Variants in DAB2 observed in about 807,000 individuals in gnomAD.
DAB2 encodes the protein DAB adaptor protein 2.
DAB2 carries 28 observed loss-of-function variants against 71.6 expected under a neutral mutation model. The ratio of observed to expected loss-of-function variants is 0.39; its 90% CI spans 0.29 to 0.54. DAB2 has a LOEUF of 0.54. DAB2 is among the 20% of genes least tolerant of loss of function. The probability of loss-of-function intolerance (pLI) is 0.68; values close to 1 mark genes in which losing one functional copy is unlikely to be tolerated. For missense variants in DAB2, 867 were observed against 928.8 expected, an observed-to-expected ratio of 0.93 and a Z score of 0.86; for synonymous variants, 345 against 339.7, an observed-to-expected ratio of 1.02 and a Z score of -0.17.
intron 1 of DAB2, chr5:39,408,952 A>G (rs1755663157): frequency 1.3e-5 from 2 of 152,292 alleles, no homozygotes; most frequent in South Asian, 4.1e-4. Context: ...AGATAGGTTA[A>G]TGGATAAGAA....
intron 1 of DAB2, among the ~76,000 whole-genome samples, chr5:39,411,989 T>C (rs1755742812): frequency 6.6e-6 from 1 of 152,166 alleles, no homozygotes; most frequent in Admixed American, 6.5e-5. Flanking sequence ...GTTCTACTTT[T>C]AGAGTTAATT....
At chr5:39,406,155 C>T (rs1755604720) in intron 1 of DAB2, among the ~76,000 whole-genome samples, 1 of 152,022 alleles carries the variant, frequency 6.6e-6, no homozygotes, top group Non-Finnish European at 1.5e-5. Context: ...GGAGAGGGCC[C>T]AAGGGAAGAA....
chr5:39,401,536 T>C (rs904683132), intron 1 of DAB2, among the ~76,000 whole-genome samples: 1 of 152,160 alleles, frequency 6.6e-6, no homozygotes, highest in Non-Finnish European at 1.5e-5. Context: ...ATTTCCTGGC[T>C]CTGTGGCTTG....
intron 1 of DAB2, among the ~76,000 whole-genome samples, chr5:39,407,872 A>G (rs1184010123): frequency 6.6e-6 from 1 of 152,238 alleles, no homozygotes; most frequent in African/African-American, 2.4e-5. Context: ...TACGTACACT[A>G]GTAGAATTAT....
chr5:39,424,470 TACACACACACACACACACACACAC>T (rs56974213), intron 1 of DAB2, among the ~76,000 whole-genome samples: 55 of 134,558 alleles, frequency 4.1e-4, no homozygotes, highest in African/African-American at 1.4e-3. Flanking sequence ...GCAGACCTTT[TACACACACACACACACACACACAC>T]ACACACACAC....
chr5:39,409,253 A>T (rs1490125488), intron 1 of DAB2, among the ~76,000 whole-genome samples: 1 of 152,174 alleles, frequency 6.6e-6, no homozygotes, highest in Non-Finnish European at 1.5e-5. Context: ...ATCTGTTGGG[A>T]AATAGTATTG....
rs951457694 is a variant in DAB2 at position 39,381,593 on chromosome 5, TGCAAGCAAGTCATTGGCTGAA to T, written c.1344_1364del (p.Ala450_Ser456del). On this transcript the variant is annotated inframe_deletion and splice_region_variant, in exon 11 of 15. Transcript: ENST00000320816. ...AGACGGGAGGAGCAAAGATGTCTGA[TGCAAGCAAGTCATTGGCTGAA>T]GACTGACAGGACAGGGAGGGAGGGA... 1.9e-6 allele frequency: 3 copies of T among 1,613,962 alleles called. No individual in the cohort carries two copies. The Admixed American group carries it at 5.0e-5, about 27-fold the overall frequency.
intron 13 of DAB2, among the ~76,000 whole-genome samples, chr5:39,375,499 T>A (rs1014941754): frequency 1.3e-5 from 2 of 152,226 alleles, no homozygotes; most frequent in Non-Finnish European, 2.9e-5. Flanking sequence ...AGATAATAGT[T>A]CTTGTGCAAA....
rs1260237002 is a variant in DAB2, at chr5:39,381,327, G to A, written c.1504+127C>T. ...GGGTTGTATAGTAGAAGTGGGAGAA[G>A]GGCTCCCTGGGATGCTCAAATCTTA... On this transcript the variant is annotated intron_variant, in intron 11 of 14. Coordinates refer to ENST00000320816, the MANE Select transcript of DAB2 (RefSeq NM_001343.4). The A allele has an allele frequency of 7.5e-6, 7 of 929,732 alleles. No homozygotes were observed. The South Asian group carries it at 1.1e-4, about 14-fold the overall frequency. The allele number at this position is 929,732 out of a possible 1,614,324, so 57.6% of individuals were successfully genotyped here. A position where few individuals can be genotyped will look rare whatever the true frequency, so the allele number is the denominator to read the frequency against.
In DAB2 at chr5:39,422,069, CAAACAAAACA is replaced by C. The variant is rs1054724923; in HGVS notation, c.-102+2725_-102+2734del. On this transcript the variant is annotated intron_variant, in intron 1 of 14. Transcript: ENST00000320816. The surrounding 1 kb of genome is among the most constrained non-coding windows in gnomAD (Gnocchi z 4.1). ...TGGGCAACAGAGGGAGACTCTGTCT[CAAACAAAACA>C]AAACAAAACAAAACAAAAATCTGTT... 5.3e-5 allele frequency among the ~76,000 whole-genome samples: 8 copies of C among 152,018 alleles called. No individual in the cohort carries two copies. The highest frequency in any genetic ancestry group is 1.3e-4 in the Admixed American group (2 of 15,266).
rs776912693 is a variant in DAB2, at chr5:39,382,633, G to A, written c.1326C>T (p.Gly442=). 2.5e-6 allele frequency: 4 copies of A among 1,613,294 alleles called. No homozygotes were observed. In the South Asian group the frequency reaches 4.4e-5, roughly 18 times the overall value. ...GACAATTCACCTTAGCAGTCCTTCT[G>A]CCTCTTCCTGGTTTGGTACTTTGTG... ...PPPQSTKPGR[G]RRTAKSSAND... is the part of the protein sequence containing the mutation. Residue 442 remains glycine, a synonymous_variant, in exon 10 of 15, where the codon GGC becomes GGT. Coordinates refer to ENST00000320816, the MANE Select transcript of DAB2 (RefSeq NM_001343.4).
At chr5:39,397,927 T>C (rs1755405441) in intron 1 of DAB2, among the ~76,000 whole-genome samples, 1 of 152,216 alleles carries the variant, frequency 6.6e-6, no homozygotes, top group South Asian at 2.1e-4. Flanking sequence ...GAAGTGTGTG[T>C]GACTATACCT....
At chr5:39,388,959 A>C (rs1454425528) in intron 7 of DAB2, 107 bp from the exon 8 acceptor site, 23 of 1,304,356 alleles carry the variant, frequency 1.8e-5, no homozygotes, top group South Asian at 2.4e-5. Context: ...ATCATCTTTT[A>C]ACTAAACATC....
intron 10 of DAB2, among the ~76,000 whole-genome samples, chr5:39,382,040 G>A (rs1229288774): frequency 1.3e-5 from 2 of 152,168 alleles, no homozygotes; most frequent in African/African-American, 2.4e-5. Context: ...AGGCAAGCCT[G>A]TATATTCTTA....
At chr5:39,418,770 C>A (rs1396945292) in intron 1 of DAB2, among the ~76,000 whole-genome samples, 1 of 152,184 alleles carries the variant, frequency 6.6e-6, no homozygotes, top group African/African-American at 2.4e-5. Flanking sequence ...GCCTGATACT[C>A]AAAAACAATG....
intron 1 of DAB2, among the ~76,000 whole-genome samples, chr5:39,404,221 A>G (rs62358453): frequency 0.028 from 3,542 of 125,770 alleles, 57 homozygotes; most frequent in South Asian, 0.052. Flanking sequence ...AGGAAGGGGA[A>G]CATCACACAC....
In DAB2 at chr5:39,388,658, A is replaced by T. The variant is rs1264266035; in HGVS notation, c.624+141T>A. ...ACTTTTGTATATTGACATAGATGTT[A>T]CACTAATATTTTGAAAAACAGTTGT... On this transcript the variant is annotated intron_variant, in intron 8 of 14. Coordinates refer to ENST00000320816, the MANE Select transcript of DAB2 (RefSeq NM_001343.4). 5.7e-6 allele frequency: 4 copies of T among 700,530 alleles called. 1 individual carries two copies. The Admixed American group carries it at 1.2e-4, about 20-fold the overall frequency. The allele number at this position is 700,530 out of a possible 1,614,324, so 43.4% of individuals were successfully genotyped here. A position where few individuals can be genotyped will look rare whatever the true frequency, so the allele number is the denominator to read the frequency against.
At chr5:39,417,355 C>T (rs1755872222) in intron 1 of DAB2, 1 of 152,018 alleles carries the variant, frequency 6.6e-6, no homozygotes, top group Admixed American at 6.6e-5. Flanking sequence ...ATAATTCATC[C>T]CTACTTTTCA....
chr5:39,403,042 C>CGGACAGTTTAGA (rs1451453815), intron 1 of DAB2, among the ~76,000 whole-genome samples: 1 of 152,132 alleles, frequency 6.6e-6, no homozygotes, highest in Non-Finnish European at 1.5e-5. Context: ...CATAGAGACC[C>CGGACAGTTTAGA]AGGTATCAAT....
Sources: allele counts gnomAD v4.1 joint callset (sites outside exome capture counted in the v4.1 genomes callset), GRCh38; gene constraint gnomAD v4.1.1; non-coding constraint Gnocchi (gnomAD v3.1); transcripts MANE v1.5; gene names NCBI Gene and HGNC (gene_info 2026-07-23, HGNC 2026-07-21).